The following LUZP2 variants were observed in gnomAD, a reference collection of about 807,000 sequenced individuals.
LUZP2 encodes the protein leucine zipper protein 2.
In LUZP2, 52 loss-of-function variants were observed where a neutral mutation model predicts 51.6. That is an observed-to-expected ratio of 1.01 (90% CI 0.81 to 1.27). The LOEUF is 1.27. Ranked by LOEUF, LUZP2 falls within the 50% of genes most tolerant of loss-of-function variation. The pLI is 0.00. For synonymous variants in LUZP2, 154 were observed against 137.3 expected (o/e 1.12, Z -0.85); for missense variants, 436 against 395.4 (o/e 1.10, Z -0.87).
At chr11:24,538,717 T>A (rs1851262982) in intron 1 of LUZP2, among the ~76,000 whole-genome samples, 1 of 151,626 alleles carries the variant, frequency 6.6e-6, no homozygotes, top group African/African-American at 2.4e-5. Context: ...TTCTGATAAT[T>A]TATTTTGTAA....
Position 24,906,012 on chromosome 11 carries a change from C to T in LUZP2, c.418C>T (p.Leu140Phe). 6.2e-7 allele frequency: 1 copy of T among 1,613,128 alleles called. No individual in the cohort carries two copies. Among genetic ancestry groups the T allele is most frequent in the Non-Finnish European group, 8.5e-7 (1 of 1,179,474 alleles). ...TCAGAATAAAAGCTTGAAAAACAAA[C>T]TCTTGTCAGGAAACAAGCTCTGTGG... ...QNENKSLKNKLLSGNKLCGIH... is the reference protein window; with the variant it reads ...QNENKSLKNKFLSGNKLCGIH... The change falls in exon 6 of 12, where the codon CTC (leucine) becomes TTC (phenylalanine). Residue 140 changes from leucine to phenylalanine, a missense_variant. Transcript: ENST00000336930.
At chr11:24,655,070 A>C (rs1855760875) in intron 1 of LUZP2, among the ~76,000 whole-genome samples, 1 of 152,148 alleles carries the variant, frequency 6.6e-6, no homozygotes, top group Admixed American at 6.6e-5. Context: ...AATAAGGTTT[A>C]TGATTCATCT....
chr11:24,603,345 G>C (rs1179809889), intron 1 of LUZP2, among the ~76,000 whole-genome samples: 2 of 151,912 alleles, frequency 1.3e-5, no homozygotes, highest in Non-Finnish European at 2.9e-5. Flanking sequence ...AAGAGAAGAC[G>C]ATTTTCTAGG....
chr11:24,554,677 A>G (rs1851813870), intron 1 of LUZP2, among the ~76,000 whole-genome samples: 1 of 149,004 alleles, frequency 6.7e-6, no homozygotes, highest in African/African-American at 2.5e-5. Flanking sequence ...GGTATAAGGC[A>G]GGAGACTTAT....
intron 4 of LUZP2, among the ~76,000 whole-genome samples, chr11:24,761,688 C>T (rs946747183): frequency 3.3e-5 from 5 of 152,068 alleles, no homozygotes; most frequent in African/African-American, 1.2e-4. Flanking sequence ...TCGTTCTTCA[C>T]CTTGATTAAT....
At chr11:24,967,555 CT>C (rs1160263904) in intron 7 of LUZP2, among the ~76,000 whole-genome samples, 2 of 151,620 alleles carry the variant, frequency 1.3e-5, no homozygotes, top group Admixed American at 1.3e-4. Context: ...TTTTGAGGCC[CT>C]GTTCATGTTT....
At chr11:24,665,574 G>T (rs1856185975) in intron 1 of LUZP2, among the ~76,000 whole-genome samples, 2 of 152,138 alleles carry the variant, frequency 1.3e-5, no homozygotes, top group Admixed American at 1.3e-4. Context: ...CAAATGTCAT[G>T]GGAGGGACCT....
intron 1 of LUZP2, among the ~76,000 whole-genome samples, chr11:24,512,906 C>T (rs7108220): frequency 0.054 from 8,144 of 152,038 alleles, 243 homozygotes; most frequent in Middle Eastern, 0.11. Flanking sequence ...CATGCTGCCA[C>T]GCCCAGCTAA....
intron 1 of LUZP2, among the ~76,000 whole-genome samples, chr11:24,725,166 A>G (rs1350391493): frequency 1.3e-5 from 2 of 152,200 alleles, no homozygotes; most frequent in Non-Finnish European, 2.9e-5. Flanking sequence ...ACTGTCAACA[A>G]AAACAATAGG....
chr11:24,534,769 A>G (rs1189663342), intron 1 of LUZP2, among the ~76,000 whole-genome samples: 2 of 151,520 alleles, frequency 1.3e-5, no homozygotes, highest in Non-Finnish European at 1.5e-5. Context: ...CAATTGTCAT[A>G]TAAGACCTTC....
rs572842573 is a variant in LUZP2, at chr11:24,786,144, G to A, written c.396+22836G>A. The A allele has an allele frequency of 1.8e-4, 178 of 985,046 alleles. 1 individual carries two copies. Among genetic ancestry groups the A allele is most frequent in the South Asian group, 3.8e-4 (8 of 21,270 alleles). 61.0% of individuals were successfully genotyped at this position (985,046 alleles called of 1,614,324 possible). On this transcript the variant is annotated intron_variant, in intron 5 of 11. Transcript: ENST00000336930. ...ACAAATCCCTCAAAGTTATGAAGGC[G>A]TTGTAAAATATATGTCTCAGGGAAA...
chr11:24,537,723 C>A, intron 1 of LUZP2, among the ~76,000 whole-genome samples: 1 of 151,714 alleles, frequency 6.6e-6, no homozygotes, highest in African/African-American at 2.4e-5. Flanking sequence ...AAGTGAAAAG[C>A]CTTTTACAAT....
At chr11:24,733,783 A>G (rs1858821721) in intron 3 of LUZP2, among the ~76,000 whole-genome samples, 1 of 151,752 alleles carries the variant, frequency 6.6e-6, no homozygotes, top group East Asian at 1.9e-4. Flanking sequence ...AGACCAAGAG[A>G]TGCTGAAAAT....
chr11:25,077,195 G>C (rs1859334020), intron 10 of LUZP2, 134 bp from the exon 11 acceptor site: 1 of 696,428 alleles, frequency 1.4e-6, no homozygotes, highest in Non-Finnish European at 2.6e-6. Flanking sequence ...TTTGTCCCTA[G>C]CTTTTGCCCT....
chr11:24,600,841 A>G (rs1303593365), intron 1 of LUZP2, among the ~76,000 whole-genome samples: 2 of 152,136 alleles, frequency 1.3e-5, no homozygotes, highest in Non-Finnish European at 2.9e-5. Flanking sequence ...CGCTAGACTC[A>G]ATAAAAAACA....
chr11:24,837,912 C>A (rs1850906366), intron 5 of LUZP2, among the ~76,000 whole-genome samples: 1 of 151,572 alleles, frequency 6.6e-6, no homozygotes, highest in Non-Finnish European at 1.5e-5. Flanking sequence ...CCTGACTTCT[C>A]CCAGATAAAC....
intron 5 of LUZP2, among the ~76,000 whole-genome samples, chr11:24,814,661 T>C (rs1850119250): frequency 6.6e-6 from 1 of 152,194 alleles, no homozygotes; most frequent in Admixed American, 6.5e-5. Context: ...AGAAGATATT[T>C]AAATCCTAGT....
chr11:24,680,257 A>G (rs942463655), intron 1 of LUZP2, among the ~76,000 whole-genome samples: 3 of 152,242 alleles, frequency 2.0e-5, no homozygotes, highest in Non-Finnish European at 2.9e-5. Context: ...CATTACTTTC[A>G]CACTTTGTAA....
chr11:24,814,946 C>T (rs184448313), intron 5 of LUZP2, among the ~76,000 whole-genome samples: 1 of 146,836 alleles, frequency 6.8e-6, no homozygotes, highest in East Asian at 2.0e-4. Flanking sequence ...GAGCTGAGAT[C>T]GCACCAATGC....
Sources: gnomAD v4.1 joint callset for allele counts (sites outside exome capture counted in the v4.1 genomes callset) on GRCh38, gnomAD v4.1.1 for gene constraint, MANE v1.5 for transcripts, NCBI Gene and HGNC (gene_info 2026-07-23, HGNC 2026-07-21) for gene names.